PPFIA2: variants seen among roughly 807,000 people sequenced by gnomAD.
The protein encoded by PPFIA2 is liprin-alpha-2.
PPFIA2 carries 46 observed loss-of-function variants against 175.5 expected under a neutral mutation model. The ratio of observed to expected loss-of-function variants is 0.26; its 90% CI spans 0.21 to 0.34. The LOEUF is 0.34. PPFIA2 is among the 10% of genes least tolerant of loss of function. The probability of loss-of-function intolerance (pLI) is 1.00; values close to 1 mark genes in which losing one functional copy is unlikely to be tolerated. For synonymous variants in PPFIA2, 568 were observed against 511.4 expected (o/e 1.11, Z -1.49); for missense variants, 1,179 against 1,506.1 (o/e 0.78, Z 3.60).
chr12:81,630,801 T>A (rs760903703), intron 4 of PPFIA2, among the ~76,000 whole-genome samples: 1 of 151,854 alleles, frequency 6.6e-6, no homozygotes, highest in South Asian at 2.1e-4. Context: ...TTTTTCTATA[T>A]AATTGCGTAA....
chr12:81,547,258 A>G (rs2067143450), intron 4 of PPFIA2, among the ~76,000 whole-genome samples: 1 of 152,220 alleles, frequency 6.6e-6, no homozygotes, highest in South Asian at 2.1e-4. Context: ...TACATTTTAC[A>G]TAATATTGAA....
intron 4 of PPFIA2, among the ~76,000 whole-genome samples, chr12:81,578,202 T>C (rs2073883473): frequency 6.6e-6 from 1 of 151,594 alleles, no homozygotes; most frequent in Admixed American, 6.6e-5. Context: ...GCCTTCATGA[T>C]CTCATTTCAG....
chr12:81,268,321 G>A (rs2038037471), intron 28 of PPFIA2, among the ~76,000 whole-genome samples: 1 of 150,938 alleles, frequency 6.6e-6, no homozygotes, highest in South Asian at 2.1e-4. Context: ...TGTATTTTTA[G>A]TAGAGACGGG....
At chr12:81,496,715 G>C (rs1041856326) in intron 4 of PPFIA2, among the ~76,000 whole-genome samples, 1 of 152,162 alleles carries the variant, frequency 6.6e-6, no homozygotes, top group African/African-American at 2.4e-5. Context: ...GGGATAGAAT[G>C]GGAAAATTCA....
At chr12:81,376,399 G>A (rs1452227202) in intron 9 of PPFIA2, among the ~76,000 whole-genome samples, 1 of 146,064 alleles carries the variant, frequency 6.8e-6, no homozygotes, top group Non-Finnish European at 1.5e-5. Flanking sequence ...GAGGAACTCT[G>A]TGGTTAAAAG....
intron 4 of PPFIA2, among the ~76,000 whole-genome samples, chr12:81,534,883 AAG>A (rs1387634864): frequency 6.6e-6 from 1 of 151,512 alleles, no homozygotes; most frequent in African/African-American, 2.4e-5. Context: ...AGGGAGGGAG[AAG>A]ATGGAGTAGT....
chr12:81,753,798 G>A (rs565760184), intron 3 of PPFIA2, among the ~76,000 whole-genome samples, 175 bp downstream of exon 3: 30 of 152,296 alleles, frequency 2.0e-4, no homozygotes, highest in Admixed American at 1.1e-3. Context: ...AGTAGTCCAT[G>A]ATTTTGTTTG....
chr12:81,668,027 G>T (rs2070687527), intron 4 of PPFIA2, among the ~76,000 whole-genome samples: 1 of 151,996 alleles, frequency 6.6e-6, no homozygotes, highest in Non-Finnish European at 1.5e-5. Flanking sequence ...TCTAAATTGG[G>T]ACTCATTAGA....
At position 81,551,790 on chromosome 12, in the gene PPFIA2, T is replaced by C. The variant is rs544427630; in HGVS notation, c.304-93924A>G. Among the ~76,000 whole-genome samples, 19 of 152,070 alleles carry C rather than the reference T, an allele frequency of 1.2e-4. No homozygotes were observed. The South Asian group carries it at 3.5e-3, about 28-fold the overall frequency. The stretch of plus-strand genomic sequence containing the variant: ...CTTTTCAAATAAGCATATTTATGTA[T>C]CCTTTTACGACCTCCTTAATTACAA... On this transcript the variant is annotated intron_variant, in intron 4 of 32. Transcript: ENST00000549396.
intron 9 of PPFIA2, among the ~76,000 whole-genome samples, chr12:81,377,162 C>T (rs1407778975): frequency 6.6e-6 from 1 of 151,938 alleles, no homozygotes; most frequent in Non-Finnish European, 1.5e-5. Context: ...AAGTGAGATG[C>T]TGTGTGTGTT....
At chr12:81,665,086 A>G (rs1286435694) in intron 4 of PPFIA2, among the ~76,000 whole-genome samples, 2 of 152,004 alleles carry the variant, frequency 1.3e-5, no homozygotes, top group African/African-American at 4.8e-5. Context: ...TACCTAATGT[A>G]AATGATGAGT....
intron 4 of PPFIA2, among the ~76,000 whole-genome samples, chr12:81,529,544 C>CG (rs924230148): frequency 3.1e-4 from 42 of 135,166 alleles, no homozygotes; most frequent in Admixed American, 9.9e-4. Flanking sequence ...CAAAGAGTGG[C>CG]GGGGGGGCAG....
At chr12:81,426,874 A>T (rs1032934707) in intron 7 of PPFIA2, among the ~76,000 whole-genome samples, 2 of 152,222 alleles carry the variant, frequency 1.3e-5, no homozygotes, top group East Asian at 3.9e-4. Context: ...CAATGTTCTC[A>T]TGCTATTTAT....
intron 6 of PPFIA2, 45 bp from the exon 7 acceptor site, chr12:81,440,091 A>C: frequency 7.2e-7 from 1 of 1,388,622 alleles, no homozygotes; most frequent in Non-Finnish European, 9.9e-7. Context: ...CATCCCATAC[A>C]TATTAAACTG....
intron 4 of PPFIA2, among the ~76,000 whole-genome samples, chr12:81,477,990 G>A (rs2057701966): frequency 6.6e-6 from 1 of 152,096 alleles, no homozygotes; most frequent in Non-Finnish European, 1.5e-5. Flanking sequence ...GATGGTACCA[G>A]CTCCTCTTTG....
chr12:81,444,137 A>G (rs1354906057), intron 6 of PPFIA2, among the ~76,000 whole-genome samples: 3 of 151,870 alleles, frequency 2.0e-5, no homozygotes, highest in Admixed American at 6.6e-5. Flanking sequence ...TACAGGCGTG[A>G]GCCACCGCGC....
intron 4 of PPFIA2, among the ~76,000 whole-genome samples, chr12:81,636,507 C>T (rs1246958612): frequency 1.3e-5 from 2 of 150,532 alleles, no homozygotes; most frequent in East Asian, 3.9e-4. Flanking sequence ...CCTCGTGATC[C>T]GCCCGCCTCG....
chr12:81,384,247 G>A lies in PPFIA2; in HGVS notation c.763-3C>T. ...TCTATAGAACCATTGGACAAACGCT[G>A]CAGAAATAGAAAAAGAAATGGCACT... On this transcript the variant is annotated splice_polypyrimidine_tract_variant and splice_region_variant and intron_variant, in intron 8 of 32. Transcript: ENST00000549396. The A allele has an allele frequency of 6.8e-7, 1 of 1,472,526 alleles. No homozygotes were observed. The highest frequency in any genetic ancestry group is 9.1e-7 in the Non-Finnish European group (1 of 1,098,824). 91.2% of individuals were successfully genotyped at this position (1,472,526 alleles called of 1,614,324 possible).
In PPFIA2 at chr12:81,339,254, G is replaced by C; in HGVS notation, c.2474C>G (p.Pro825Arg). ...NSSQDSLHKA[P>R]KKKGIKSSIG... ...TGAAGACTTGATTCCTTTCTTCTTG[G>C]GGGCTTTGTGAAGAGAGTCTTGGCT... is the stretch of plus-strand genomic sequence containing the variant. The change falls in exon 21 of 33, where the codon CCC (proline) becomes CGC (arginine). Residue 825 changes from proline to arginine, a missense_variant. Physicochemically the swap from Pro to Arg is moderately radical, Grantham distance 103. Transcript: ENST00000549396. 1 of 1,610,802 alleles carries C rather than the reference G, an allele frequency of 6.2e-7. No homozygotes were observed. Among genetic ancestry groups the C allele is most frequent in the Non-Finnish European group, 8.5e-7 (1 of 1,178,268 alleles).
Sources: allele counts gnomAD v4.1 joint callset (sites outside exome capture counted in the v4.1 genomes callset), GRCh38; gene constraint gnomAD v4.1.1; transcripts MANE v1.5; gene names NCBI Gene and HGNC (gene_info 2026-07-23, HGNC 2026-07-21).